The following PDE4D variants were observed in gnomAD, a reference collection of about 807,000 sequenced individuals.
PDE4D encodes 3',5'-cyclic-AMP phosphodiesterase 4D.
PDE4D carries 24 observed loss-of-function variants against 87.4 expected under a neutral mutation model. The observed-to-expected ratio is 0.27, with a 90% CI of 0.20 to 0.39. PDE4D has a LOEUF of 0.39. PDE4D is among the 10% of genes least tolerant of loss of function. The pLI is 1.00. For synonymous variants in PDE4D, 384 were observed against 383.2 expected (o/e 1.00, Z -0.02); for missense variants, 714 against 1,041.0 (o/e 0.69, Z 4.32).
intron 6 of PDE4D, among the ~76,000 whole-genome samples, chr5:59,000,226 TAAG>T (rs1750208489): frequency 6.6e-6 from 1 of 152,246 alleles, no homozygotes; most frequent in South Asian, 2.1e-4. Flanking sequence ...AGTTCATTCT[TAAG>T]AATTGCCCAT....
At chr5:60,163,248 T>C (rs1782611683) in intron 2 of PDE4D, among the ~76,000 whole-genome samples, 1 of 152,164 alleles carries the variant, frequency 6.6e-6, no homozygotes, top group Non-Finnish European at 1.5e-5. Flanking sequence ...TTATTCTCTC[T>C]CCACTTTTTC....
chr5:59,311,413 A>C (rs255651), intron 1 of PDE4D, among the ~76,000 whole-genome samples: 14,260 of 148,962 alleles, frequency 0.096, 852 homozygotes, highest in East Asian at 0.29. Flanking sequence ...AGGCACAAGC[A>C]TCACTTGAAC....
chr5:59,602,819 C>T (rs1027283830), intron 1 of PDE4D, among the ~76,000 whole-genome samples: 6 of 151,874 alleles, frequency 4.0e-5, no homozygotes, highest in Admixed American at 6.6e-5. Flanking sequence ...AAAACAGCAT[C>T]GTACTTACAT....
intron 1 of PDE4D, among the ~76,000 whole-genome samples, chr5:59,394,207 A>G (rs983775112): frequency 2.6e-5 from 4 of 152,214 alleles, no homozygotes; most frequent in Non-Finnish European, 5.9e-5. Flanking sequence ...GTTCTGTCTC[A>G]TCGGCAAGCC....
At chr5:60,506,649 GA>G (rs1561321738) in intron 1 of PDE4D, among the ~76,000 whole-genome samples, 2 of 152,128 alleles carry the variant, frequency 1.3e-5, no homozygotes, top group African/African-American at 4.8e-5. Flanking sequence ...AGAGAGGCCA[GA>G]GTTGCAAAGG....
At chr5:59,191,513 A>G (rs1486362734) in intron 3 of PDE4D, among the ~76,000 whole-genome samples, 2 of 152,060 alleles carry the variant, frequency 1.3e-5, no homozygotes, top group Non-Finnish European at 2.9e-5. Context: ...TTGTTATGCC[A>G]TATTTTGTCT....
At chr5:59,809,180 G>T (rs1768067511) in intron 1 of PDE4D, among the ~76,000 whole-genome samples, 1 of 152,160 alleles carries the variant, frequency 6.6e-6, no homozygotes. Flanking sequence ...CCCTCATTAA[G>T]CAAAGATCTT....
intron 1 of PDE4D, among the ~76,000 whole-genome samples, chr5:59,811,171 C>T (rs1017390783): frequency 6.6e-6 from 1 of 152,124 alleles, no homozygotes; most frequent in Non-Finnish European, 1.5e-5. Context: ...TCCAGAATGT[C>T]CTGAAAACTT....
At chr5:59,537,043 T>G (rs37574) in intron 1 of PDE4D, among the ~76,000 whole-genome samples, 84,725 of 152,022 alleles carry the variant, frequency 0.56, 24,299 homozygotes, top group East Asian at 0.85. Flanking sequence ...ATAGGTATGG[T>G]TGTGCGTGTA....
Position 60,424,235 on chromosome 5 carries a change from A to T in PDE4D, c.-90+63707T>A, listed in dbSNP as rs187017019. Reference sequence around the variant, plus strand: ...CCTGGCAGAGACACAACAAAAAAAGAGAATTTTAGACCATTATCCCTGATG... The same window carrying T: ...CCTGGCAGAGACACAACAAAAAAAGTGAATTTTAGACCATTATCCCTGATG... On this transcript the variant is annotated intron_variant, in intron 1 of 16. Transcript: ENST00000502484. Among the ~76,000 whole-genome samples, 1,288 of 152,322 alleles carry T rather than the reference A, an allele frequency of 8.5e-3. 13 individuals carry two copies. Among genetic ancestry groups the T allele is most frequent in the African/African-American group, 0.029 (1,213 of 41,560 alleles).
chr5:59,355,589 T>G (rs1781253756), intron 1 of PDE4D, among the ~76,000 whole-genome samples: 1 of 152,166 alleles, frequency 6.6e-6, no homozygotes, highest in Admixed American at 6.5e-5. Context: ...TCAACTAAAT[T>G]TTATAGCTGT....
intron 1 of PDE4D, among the ~76,000 whole-genome samples, chr5:59,260,134 T>C (rs977367115): frequency 6.6e-6 from 1 of 151,846 alleles, no homozygotes; most frequent in Non-Finnish European, 1.5e-5. Flanking sequence ...AGTCTTTTTT[T>C]CTTTTTCTCC....
intron 2 of PDE4D, among the ~76,000 whole-genome samples, chr5:60,014,003 G>A (rs1765269414): frequency 6.7e-6 from 1 of 149,658 alleles, no homozygotes; most frequent in Non-Finnish European, 1.5e-5. Flanking sequence ...TGAGGCAGGA[G>A]AATTGCTTGA....
At chr5:59,613,607 G>A (rs543887082) in intron 1 of PDE4D, among the ~76,000 whole-genome samples, 1 of 152,278 alleles carries the variant, frequency 6.6e-6, no homozygotes, top group African/African-American at 2.4e-5. Flanking sequence ...CAAGGGAAAA[G>A]GGGGAAAGCC....
intron 1 of PDE4D, among the ~76,000 whole-genome samples, chr5:60,187,070 G>A (rs1027520927): frequency 1.3e-5 from 2 of 152,152 alleles, no homozygotes; most frequent in Admixed American, 6.5e-5. Context: ...ATGCAACTTG[G>A]GGACTCAAAG....
chr5:59,979,222 A>T (rs1462800276), intron 3 of PDE4D, among the ~76,000 whole-genome samples: 2 of 152,090 alleles, frequency 1.3e-5, no homozygotes, highest in Non-Finnish European at 2.9e-5. Context: ...GAGTTAGTAG[A>T]GGAGTAAAGA....
In PDE4D at chr5:59,669,359, G is replaced by A. The variant is rs146053397; in HGVS notation, c.455+223809C>T. Among the ~76,000 whole-genome samples the A allele has an allele frequency of 3.0e-3, 460 of 152,166 alleles. 5 individuals are homozygous for A. Among genetic ancestry groups the A allele is most frequent in the African/African-American group, 1.0e-2 (415 of 41,526 alleles). ...ACTCCCGACCTCAGGTTATCTGTCC[G>A]CCTCGGCCTCCCAAAATGCTGGGAT... On this transcript the variant is annotated intron_variant, in intron 1 of 14. Coordinates refer to ENST00000340635, the MANE Select transcript of PDE4D (RefSeq NM_001104631.2).
At chr5:59,442,154 T>C (rs1415812122) in intron 1 of PDE4D, among the ~76,000 whole-genome samples, 1 of 152,208 alleles carries the variant, frequency 6.6e-6, no homozygotes, top group Non-Finnish European at 1.5e-5. Flanking sequence ...CCATTTTTTA[T>C]TAATGAAAGA....
At chr5:59,378,042 A>G (rs1373878344) in intron 1 of PDE4D, among the ~76,000 whole-genome samples, 1 of 152,214 alleles carries the variant, frequency 6.6e-6, no homozygotes, top group Non-Finnish European at 1.5e-5. Flanking sequence ...ACGCCCATCA[A>G]TGATAGACTG....
Sources: allele counts gnomAD v4.1 joint callset (sites outside exome capture counted in the v4.1 genomes callset), GRCh38; gene constraint gnomAD v4.1.1; transcripts MANE v1.5; gene names NCBI Gene and HGNC (gene_info 2026-07-23, HGNC 2026-07-21).